Variants in WDFY3 observed in about 807,000 individuals in gnomAD.
The protein encoded by WDFY3 is WD repeat and FYVE domain-containing protein 3.
A neutral mutation model predicts 409.6 loss-of-function variants in WDFY3; 66 were observed. The ratio of observed to expected loss-of-function variants is 0.16; its 90% CI spans 0.13 to 0.20. The LOEUF (loss-of-function observed/expected upper bound fraction) is 0.20. Ranked by LOEUF, WDFY3 falls within the 10% of genes least tolerant of loss-of-function variation. The pLI is 1.00. For synonymous variants in WDFY3, 1,521 were observed against 1,537.1 expected, an observed-to-expected ratio of 0.99 and a Z score of 0.25; for missense variants, 3,031 against 4,298.1, an observed-to-expected ratio of 0.71 and a Z score of 8.24.
At chr4:84,715,575 C>T (rs112337943) in intron 49 of WDFY3, among the ~76,000 whole-genome samples, 192 bp from the exon 50 acceptor site, 6 of 152,054 alleles carry the variant, frequency 3.9e-5, no homozygotes, top group African/African-American at 1.4e-4. Context: ...GAGATCGAGA[C>T]CATCCTGGCT....
chr4:84,817,350 AT>A (rs764912504), intron 13 of WDFY3, 41 bp downstream of exon 13: 1 of 1,606,376 alleles, frequency 6.2e-7, no homozygotes, highest in Non-Finnish European at 8.5e-7. Context: ...ATAACCACAG[AT>A]TTTAGTAGTA....
chr4:84,683,931 C>A lies in WDFY3; in HGVS notation c.9726+12G>T. Reference sequence around the variant, plus strand: ...CAAATATCCTAATGAGTTTTTCTCTCAGTTCACTTACCCGAACCACTCCAT... The same window carrying A: ...CAAATATCCTAATGAGTTTTTCTCTAAGTTCACTTACCCGAACCACTCCAT... On this transcript the variant is annotated intron_variant, in intron 63 of 67. Coordinates refer to ENST00000295888, the MANE Select transcript of WDFY3 (RefSeq NM_014991.6). 2 of 1,569,148 alleles carry A rather than the reference C, an allele frequency of 1.3e-6. No individual in the cohort carries two copies. Among genetic ancestry groups the A allele is most frequent in the South Asian group, 2.3e-5 (2 of 87,058 alleles).
chr4:84,882,455 C>T (rs1475924898), intron 3 of WDFY3, among the ~76,000 whole-genome samples: 3 of 152,142 alleles, frequency 2.0e-5, no homozygotes, highest in Non-Finnish European at 2.9e-5. Flanking sequence ...GAAGCAGAGA[C>T]TCTTCCTGCT....
At chr4:84,919,220 C>G (rs1054214920) in intron 2 of WDFY3, among the ~76,000 whole-genome samples, 1 of 151,892 alleles carries the variant, frequency 6.6e-6, no homozygotes, top group Non-Finnish European at 1.5e-5. Context: ...AATAGGAAAC[C>G]ATAAATTCAA....
chr4:84,869,125 C>A (rs1761834791), intron 3 of WDFY3, among the ~76,000 whole-genome samples: 1 of 152,160 alleles, frequency 6.6e-6, no homozygotes, highest in Non-Finnish European at 1.5e-5. Flanking sequence ...GGAGAGTGAG[C>A]TCAGGAATGA....
chr4:84,758,966 G>A (rs549512002), intron 32 of WDFY3, among the ~76,000 whole-genome samples: 159 of 152,218 alleles, frequency 1.0e-3, no homozygotes, highest in Non-Finnish European at 1.7e-3. Context: ...AATCCATCTT[G>A]AATTGATTTT....
At chr4:84,785,853 C>T in intron 24 of WDFY3, 126 bp downstream of exon 24, 1 of 1,223,798 alleles carries the variant, frequency 8.2e-7, no homozygotes. Flanking sequence ...ATTAACCAAA[C>T]ATAAACAATA....
At chr4:84,852,160 C>T (rs1759117867) in intron 4 of WDFY3, among the ~76,000 whole-genome samples, 1 of 152,194 alleles carries the variant, frequency 6.6e-6, no homozygotes, top group South Asian at 2.1e-4. Context: ...TGAAAACAAG[C>T]AGCTTGATAC....
chr4:84,798,601 GCATCTCA>G (rs1749925422), intron 17 of WDFY3, among the ~76,000 whole-genome samples: 1 of 152,098 alleles, frequency 6.6e-6, no homozygotes, highest in South Asian at 2.1e-4. Context: ...CTTATGTTCT[GCATCTCA>G]CTGAAATGTG....
chr4:84,740,120 T>C, intron 39 of WDFY3, 67 bp downstream of exon 39: 1 of 1,487,648 alleles, frequency 6.7e-7, no homozygotes, highest in Non-Finnish European at 9.3e-7. Context: ...TCAAAAAAAA[T>C]AAAGAATTTT....
intron 50 of WDFY3, among the ~76,000 whole-genome samples, chr4:84,713,803 T>C (rs189182484): frequency 6.6e-6 from 1 of 152,284 alleles, no homozygotes; most frequent in East Asian, 1.9e-4. Context: ...GTACCAGAGA[T>C]GTGTGTTGTT....
At chr4:84,940,652 AAAGCTCTTCCC>A (rs1389968355) in intron 1 of WDFY3, among the ~76,000 whole-genome samples, 1 of 152,078 alleles carries the variant, frequency 6.6e-6, no homozygotes, top group Non-Finnish European at 1.5e-5. Flanking sequence ...CAGATTGAAG[AAAGCTCTTCCC>A]AAAGCCTTTT....
intron 21 of WDFY3, among the ~76,000 whole-genome samples, chr4:84,793,384 G>A (rs1748843006): frequency 6.6e-6 from 1 of 152,154 alleles, no homozygotes; most frequent in Non-Finnish European, 1.5e-5. Context: ...TGTCTAATAT[G>A]CAGCTGGAAA....
At chr4:84,766,726 T>C (rs548622473) in intron 30 of WDFY3, among the ~76,000 whole-genome samples, 34 of 152,224 alleles carry the variant, frequency 2.2e-4, no homozygotes, top group Non-Finnish European at 4.3e-4. Context: ...CCTTAATTCT[T>C]AGTTTCTTTT....
At chr4:84,940,731 T>A (rs1421323345) in intron 1 of WDFY3, among the ~76,000 whole-genome samples, 2 of 151,994 alleles carry the variant, frequency 1.3e-5, no homozygotes, top group African/African-American at 4.8e-5. Flanking sequence ...AAAAAAAGAC[T>A]AGAAATTTCA....
In WDFY3 at chr4:84,849,943, A is replaced by G; in HGVS notation, c.263T>C (p.Met88Thr). Residue 88 changes from methionine (M) to threonine (T), a missense_variant, in exon 5 of 68, where the codon ATG becomes ACG. Physicochemically the swap from Met to Thr is moderately conservative, Grantham distance 81. Around this residue, in one of 16 missense-constraint regions of WDFY3, gnomAD observed 1,322 missense variants for 1,697.9 expected, o/e 0.78. Transcript: ENST00000295888. ...LQFTTQVSRL[M>T]VTEIRRRASN... ...TGCTCTCCTTCGAATTTCTGTCACC[A>G]TTAGTCGTGAGACTTGTGTTGTGAA... 1.2e-6 allele frequency: 2 copies of G among 1,611,950 alleles called. No homozygotes were observed. Among genetic ancestry groups the G allele is most frequent in the Non-Finnish European group, 1.7e-6 (2 of 1,179,374 alleles).
chr4:84,917,091 G>C (rs1768601662), intron 2 of WDFY3, among the ~76,000 whole-genome samples: 1 of 152,130 alleles, frequency 6.6e-6, no homozygotes, highest in Non-Finnish European at 1.5e-5. Flanking sequence ...GTGTGTGTGT[G>C]CGTTTAAGTG....
Position 84,691,723 on chromosome 4 carries a change from T to C in WDFY3, c.9112A>G (p.Asn3038Asp). The C allele has an allele frequency of 6.2e-7, 1 of 1,614,116 alleles. No individual in the cohort carries two copies. Among genetic ancestry groups the C allele is most frequent in the South Asian group, 1.1e-5 (1 of 91,074 alleles). Residue 3038 changes from asparagine (N) to aspartate (D), a missense_variant, in exon 60 of 68, where the codon AAT becomes GAT. Physicochemically the swap from Asn to Asp is conservative, Grantham distance 23. This residue lies in a region of WDFY3 where 152 missense variants were observed against 193.5 expected (regional missense o/e 0.79). Transcript: ENST00000295888. ...CAGGTTGGTGGGATAAGAACCTTAT[T>C]CTGTTCCACCGCAAGAATACCTTTA... ...TDKGILAVEQ[N>D]KVLIPPTWNK...
intron 36 of WDFY3, among the ~76,000 whole-genome samples, chr4:84,745,845 C>T (rs1005347418): frequency 1.5e-4 from 23 of 152,046 alleles, no homozygotes; most frequent in African/African-American, 5.3e-4. Context: ...GGAGTCTTAT[C>T]CCTATAAACT....
Sources: allele counts gnomAD v4.1 joint callset (sites outside exome capture counted in the v4.1 genomes callset), GRCh38; gene constraint gnomAD v4.1.1; regional missense constraint gnomAD v4.1.1; transcripts MANE v1.5; gene names NCBI Gene and HGNC (gene_info 2026-07-23, HGNC 2026-07-21).